The following USP24 variants were observed in gnomAD, a reference collection of about 807,000 sequenced individuals.
USP24 encodes the protein ubiquitin carboxyl-terminal hydrolase 24.
In USP24, 97 loss-of-function variants were observed where a neutral mutation model predicts 361.6. That is an observed-to-expected ratio of 0.27 (90% confidence interval 0.23 to 0.32). The LOEUF (loss-of-function observed/expected upper bound fraction) is 0.32. Among genes scored for constraint, USP24 ranks in the 10% least tolerant of loss-of-function variants. The probability of loss-of-function intolerance (pLI) is 1.00; values close to 1 mark genes in which losing one functional copy is unlikely to be tolerated. For missense variants in USP24, 2,353 were observed against 3,165.6 expected, an observed-to-expected ratio of 0.74 and a Z score of 6.16; for synonymous variants, 1,098 against 1,124.6, an observed-to-expected ratio of 0.98 and a Z score of 0.47.
chr1:55,116,068 G>A (rs1299508262), intron 38 of USP24, among the ~76,000 whole-genome samples: 2 of 152,140 alleles, frequency 1.3e-5, no homozygotes, highest in Non-Finnish European at 2.9e-5. Context: ...ACCTAATGTA[G>A]ATGACGGGTT....
chr1:55,125,989 A>G (rs1255227218), intron 32 of USP24, among the ~76,000 whole-genome samples: 1 of 152,146 alleles, frequency 6.6e-6, no homozygotes, highest in Non-Finnish European at 1.5e-5. Flanking sequence ...CCTATTTTCA[A>G]AAGACCCATC....
chr1:55,165,965 G>A lies in USP24; in HGVS notation c.862-15C>T. On this transcript the variant is annotated splice_polypyrimidine_tract_variant and intron_variant, in intron 6 of 67. Coordinates refer to ENST00000294383, the MANE Select transcript of USP24 (RefSeq NM_015306.3). ...AATTCTCCAAACTGAGAAGAAAAAAGGCACACATTAAGTTATTTTTCTCTT... is the reference window on the plus strand; with the variant it reads ...AATTCTCCAAACTGAGAAGAAAAAAAGCACACATTAAGTTATTTTTCTCTT... 1 of 1,598,400 alleles carries A rather than the reference G, an allele frequency of 6.3e-7. No homozygotes were observed.
At chr1:55,199,687 G>C (rs1452612329) in intron 1 of USP24, among the ~76,000 whole-genome samples, 1 of 151,870 alleles carries the variant, frequency 6.6e-6, no homozygotes, top group Non-Finnish European at 1.5e-5. Flanking sequence ...TGCAAATAAT[G>C]AATCAAGGTG....
At chr1:55,151,100 T>A (rs1451985106) in intron 16 of USP24, among the ~76,000 whole-genome samples, 2 of 152,230 alleles carry the variant, frequency 1.3e-5, no homozygotes, top group African/African-American at 4.8e-5. Flanking sequence ...TCATTGATAC[T>A]GAAACATGCT....
rs1645232152 is a variant in USP24, at chr1:55,085,503, T to C, written c.6765+439A>G. On this transcript the variant is annotated intron_variant, in intron 56 of 67. Coordinates refer to ENST00000294383, the MANE Select transcript of USP24 (RefSeq NM_015306.3). ...TGTACCTGTAAGGACTTAACGCCCC[T>C]GGATGAATAGCACTATTTGGTTTGG... 2.0e-5 allele frequency among the ~76,000 whole-genome samples: 3 copies of C among 152,232 alleles called. No individual in the cohort carries two copies. In the South Asian group the frequency reaches 6.2e-4, roughly 32 times the overall value.
At chr1:55,107,618 C>T (rs893199002) in intron 39 of USP24, among the ~76,000 whole-genome samples, 188 bp from the exon 40 acceptor site, 2 of 151,624 alleles carry the variant, frequency 1.3e-5, no homozygotes, top group East Asian at 1.9e-4. Flanking sequence ...CTGAGGTGGG[C>T]GGATCATGAG....
At chr1:55,192,311 C>G (rs1052152332) in intron 1 of USP24, among the ~76,000 whole-genome samples, 4 of 152,148 alleles carry the variant, frequency 2.6e-5, no homozygotes, top group African/African-American at 9.7e-5. Context: ...GAGATAAGCT[C>G]CTGTCTGCCC....
At chr1:55,075,331 A>G in intron 63 of USP24, 126 bp downstream of exon 63, 1 of 872,354 alleles carries the variant, frequency 1.1e-6, no homozygotes, top group Non-Finnish European at 1.7e-6. Flanking sequence ...AGTGGCCCTG[A>G]CCAGACTTCT....
rs371605595 is a variant in USP24 at position 55,100,272 on chromosome 1, G to A, written c.5272-403C>T. Among the ~76,000 whole-genome samples the A allele has an allele frequency of 8.6e-4, 131 of 152,258 alleles. 4 individuals carry two copies. The South Asian group carries it at 0.025, about 29-fold the overall frequency. On this transcript the variant is annotated intron_variant, in intron 44 of 67. Coordinates refer to ENST00000294383, the MANE Select transcript of USP24 (RefSeq NM_015306.3). ...AGCACTCTGGGAGGCCGAGGCAGGC[G>A]GATCACCTGAGGTCGGGAGTTCAAG...
chr1:55,092,707 G>T, intron 53 of USP24, 114 bp downstream of exon 53: 1 of 750,994 alleles, frequency 1.3e-6, no homozygotes, highest in Non-Finnish European at 2.1e-6. Context: ...AAACCTTTTT[G>T]CATCTAACCT....
At chr1:55,120,055 C>T (rs932628667) in intron 38 of USP24, among the ~76,000 whole-genome samples, 3 of 152,068 alleles carry the variant, frequency 2.0e-5, no homozygotes, top group Non-Finnish European at 4.4e-5. Context: ...AATGTGAGAC[C>T]CCTACCTCCT....
rs181781463 is a variant in USP24, at chr1:55,091,687, G to A, written c.6554+336C>T. On this transcript the variant is annotated intron_variant, in intron 54 of 67. Coordinates refer to ENST00000294383, the MANE Select transcript of USP24 (RefSeq NM_015306.3). The stretch of plus-strand genomic sequence containing the variant: ...TCAGGCTTTCCTTTCTGCCTAAAAT[G>A]AGCCCTCTGTGTTTCTCTGTTTTGC... 3.0e-3 allele frequency among the ~76,000 whole-genome samples: 459 copies of A among 152,270 alleles called. 3 individuals are homozygous for A. The highest frequency in any genetic ancestry group is 0.011 in the African/African-American group (447 of 41,556).
intron 38 of USP24, among the ~76,000 whole-genome samples, chr1:55,112,385 T>C (rs916295209): frequency 1.3e-5 from 2 of 152,222 alleles, no homozygotes; most frequent in African/African-American, 2.4e-5. Context: ...ATTGTAGATC[T>C]TTCCTGCTTT....
At chr1:55,132,738 A>G in intron 30 of USP24, 38 bp from the exon 31 acceptor site, 1 of 1,575,014 alleles carries the variant, frequency 6.3e-7, no homozygotes, top group Non-Finnish European at 8.6e-7. Flanking sequence ...AAACTACTTA[A>G]AAGGACAAAT....
At chr1:55,205,103 G>C (rs1188748450) in intron 1 of USP24, among the ~76,000 whole-genome samples, 2 of 151,968 alleles carry the variant, frequency 1.3e-5, no homozygotes, top group Admixed American at 1.3e-4. Context: ...ACAGGTCACA[G>C]GAACAGAGGT....
chr1:55,116,237 C>T (rs1428275541), intron 38 of USP24, among the ~76,000 whole-genome samples: 1 of 151,424 alleles, frequency 6.6e-6, no homozygotes, highest in Non-Finnish European at 1.5e-5. Context: ...AACTTTACAC[C>T]TAAGGAACTA....
intron 1 of USP24, among the ~76,000 whole-genome samples, chr1:55,209,391 G>T (rs1362547103): frequency 1.3e-5 from 2 of 152,022 alleles, no homozygotes; most frequent in Non-Finnish European, 1.5e-5. Flanking sequence ...TCCTCTCAGG[G>T]CCATGAAACA....
In USP24 at chr1:55,081,355, A is replaced by C. The variant is rs368719380; in HGVS notation, c.7045T>G (p.Leu2349Val). The C allele has an allele frequency of 6.2e-7, 1 of 1,613,600 alleles. No homozygotes were observed. The highest frequency in any genetic ancestry group is 1.1e-5 in the South Asian group (1 of 91,074). ...CTTTGGGATGAGACATCTGAATGCA[A>C]AACAAGTAACGCCACTGTATTGTGA... Reference protein sequence around the residue: ...NLHNTVALLVLHSDVSSQRNV... With the variant: ...NLHNTVALLVVHSDVSSQRNV... The change falls in exon 59 of 68, where the codon TTG (leucine) becomes GTG (valine). Residue 2349 changes from leucine (L) to valine (V), a missense_variant. Around this residue, in one of 8 missense-constraint regions of USP24, gnomAD observed 598 missense variants for 761.9 expected, o/e 0.78. Transcript: ENST00000294383.
chr1:55,125,177 A>C lies in USP24; in HGVS notation c.3960+143T>G, dbSNP rs547335662. On this transcript the variant is annotated intron_variant, in intron 34 of 67. Coordinates refer to ENST00000294383, the MANE Select transcript of USP24 (RefSeq NM_015306.3). ...CTGGAATTATAGTTATTTCTACCCT[A>C]GCGATCTCTTTTTAAGTCACCATAA... The C allele has an allele frequency of 5.4e-5, 38 of 702,236 alleles. No homozygotes were observed. The South Asian group carries it at 6.9e-4, about 13-fold the overall frequency. 43.5% of individuals were successfully genotyped at this position (702,236 alleles called of 1,614,324 possible). A position where few individuals can be genotyped will look rare whatever the true frequency, so the allele number is the denominator to read the frequency against.
Sources: allele counts gnomAD v4.1 joint callset (sites outside exome capture counted in the v4.1 genomes callset), GRCh38; gene constraint gnomAD v4.1.1; regional missense constraint gnomAD v4.1.1; transcripts MANE v1.5; gene names NCBI Gene and HGNC (gene_info 2026-07-23, HGNC 2026-07-21).